The following TCHHL1 variants were observed in gnomAD, a reference collection of about 807,000 sequenced individuals.
TCHHL1 encodes trichohyalin-like protein 1.
In TCHHL1, 1 loss-of-function variant was observed where a neutral mutation model predicts 3.5. That is an observed-to-expected ratio of 0.29 (90% CI 0.10 to 1.36). TCHHL1 has a LOEUF of 1.36. TCHHL1 is among the 40% of genes most tolerant of loss of function. The pLI, the probability that TCHHL1 is intolerant of heterozygous loss-of-function variation, is 0.43. For synonymous variants in TCHHL1, 405 were observed against 375.3 expected (o/e 1.08, Z -0.92); for missense variants, 1,027 against 1,032.8 (o/e 0.99, Z 0.08).
chr1:152,088,902 A>G (rs1657783886), intron 1 of TCHHL1, 118 bp downstream of exon 1: 1 of 152,144 alleles, frequency 6.6e-6, no homozygotes, highest in South Asian at 2.1e-4. Context: ...CCAGTTTATT[A>G]TTATTAATAG....
chr1:152,086,285 C>T lies in TCHHL1; in HGVS notation c.1397G>A (p.Gly466Glu), dbSNP rs556122990. 4.3e-6 allele frequency: 7 copies of T among 1,614,198 alleles called. No individual in the cohort carries two copies. The South Asian group carries it at 5.5e-5, about 13-fold the overall frequency. ...HPELEGTAVS[G>E]EEAEHTKEGT... ...TTCTTTGGTGTGTTCTGCCTCTTCT[C>T]CTGAGACTGCTGTTCCTTCAAGTTC... Residue 466 changes from glycine to glutamate, a missense_variant, in exon 3 of 3, where the codon GGA (glycine) becomes GAA (glutamate). By Grantham distance (98) the Gly-to-Glu change is moderately conservative. Transcript: ENST00000368806.
At position 152,088,035 on chromosome 1, in the gene TCHHL1, T is replaced by C. The variant is rs369675005; in HGVS notation, c.109A>G (p.Ile37Val). 43 of 1,606,880 alleles carry C rather than the reference T, an allele frequency of 2.7e-5. No homozygotes were observed. The highest frequency in any genetic ancestry group is 3.4e-5 in the Non-Finnish European group (40 of 1,177,968). Residue 37 changes from isoleucine to valine, a missense_variant, in exon 2 of 3, where the codon ATC (isoleucine) becomes GTC (valine). Coordinates refer to ENST00000368806, the MANE Select transcript of TCHHL1 (RefSeq NM_001008536.2). Reference sequence around the variant, plus strand: ...AAAAAGTCCCCAAACTCGCCCTGGATGAGTTGTTTCAGCTCTCTGCCAGTC... The same window carrying C: ...AAAAAGTCCCCAAACTCGCCCTGGACGAGTTGTTTCAGCTCTCTGCCAGTC... The part of the protein sequence containing the change: ...TLTGRELKQL[I>V]QGEFGDFFQP...
Position 152,085,098 on chromosome 1 carries a change from C to T in TCHHL1, c.2584G>A (p.Gly862Arg). The T allele has an allele frequency of 1.2e-6, 2 of 1,614,012 alleles. No individual in the cohort carries two copies. Among genetic ancestry groups the T allele is most frequent in the South Asian group, 2.2e-5 (2 of 91,068 alleles). Residue 862 changes from glycine (G) to arginine (R), a missense_variant, in exon 3 of 3, where the codon GGA becomes AGA. By Grantham distance (125) the Gly-to-Arg change is moderately radical (BLOSUM62 -2). This residue lies in a region of TCHHL1 where 673 missense variants were observed against 658.6 expected (regional missense o/e 1.02). Coordinates refer to ENST00000368806, the MANE Select transcript of TCHHL1 (RefSeq NM_001008536.2). ...YSQASQPYTR[G>R]LPLDESPAGA... ...GCAGGACTCTCATCAAGTGGAAGTC[C>T]CCTGGTATATGGTTGTGATGCTTGG...
chr1:152,088,096 G>T lies in TCHHL1; in HGVS notation c.48C>A (p.His16Gln). The T allele has an allele frequency of 1.2e-6, 2 of 1,609,786 alleles. No individual in the cohort carries two copies. Among genetic ancestry groups the T allele is most frequent in the Non-Finnish European group, 1.7e-6 (2 of 1,178,494 alleles). The change falls in exon 2 of 3, where the codon CAC (histidine) becomes CAA (glutamine). Residue 16 changes from histidine (H) to glutamine (Q), a missense_variant. By Grantham distance (24) the His-to-Gln change is conservative. This residue lies in a region of TCHHL1 where 338 missense variants were observed against 335.9 expected (regional missense o/e 1.01). Transcript: ENST00000368806. ...CGTTACTGTCCTCACTGGCATATTT[G>T]TGGAATGTCTCAATTACACAGAGGA... is the stretch of plus-strand genomic sequence containing the variant. ...RNVLCVIETF[H>Q]KYASEDSNGA...
rs759703011 is a variant in TCHHL1 at position 152,085,052 on chromosome 1, G to A, written c.2630C>T (p.Ala877Val). 2 of 1,614,046 alleles carry A rather than the reference G, an allele frequency of 1.2e-6. No individual in the cohort carries two copies. The highest frequency in any genetic ancestry group is 1.1e-5 in the South Asian group (1 of 91,074). ...ESPAGAQETP[A>V]PQALEDKQGH... ...TTGCTTATCTTCCAAGGCCTGGGGAGCTGGTGTTTCCTGTGCACCAGCAGG... is the reference window on the plus strand; with the variant it reads ...TTGCTTATCTTCCAAGGCCTGGGGAACTGGTGTTTCCTGTGCACCAGCAGG... Residue 877 changes from alanine to valine, a missense_variant, in exon 3 of 3, where the codon GCT (alanine) becomes GTT (valine). This residue lies in a region of TCHHL1 where 673 missense variants were observed against 658.6 expected (regional missense o/e 1.02). Transcript: ENST00000368806.
At position 152,086,843 on chromosome 1, in the gene TCHHL1, G is replaced by T. The variant is rs145238234; in HGVS notation, c.839C>A (p.Thr280Lys). The part of the protein sequence containing the change: ...QRPCEDQEVR[T>K]EKEKHSNIQE... The stretch of plus-strand genomic sequence containing the variant: ...TATATTAGAGTGTTTTTCCTTTTCT[G>T]TTCTAACTTCCTGATCTTCACATGG... The change falls in exon 3 of 3, where the codon ACA (threonine) becomes AAA (lysine). Residue 280 changes from threonine to lysine, a missense_variant. Transcript: ENST00000368806. 1.9e-6 allele frequency: 3 copies of T among 1,614,062 alleles called. No homozygotes were observed. The highest frequency in any genetic ancestry group is 2.2e-5 in the East Asian group (1 of 44,878).
chr1:152,085,263 C>A lies in TCHHL1; in HGVS notation c.2419G>T (p.Glu807Ter), dbSNP rs764320827. 1 of 1,614,134 alleles carries A rather than the reference C, an allele frequency of 6.2e-7. No homozygotes were observed. Among genetic ancestry groups the A allele is most frequent in the East Asian group, 2.2e-5 (1 of 44,880 alleles). ...YSSPLYQYLQ[E>*]KILQQTNVTQ... ...ACATTTGTTTGCTGCAGTATCTTCT[C>A]CTGTAGGTACTGGTATAGTGGACTG... The change falls in exon 3 of 3, where the codon GAG becomes TAG. Residue 807 changes from glutamate (E) to a stop codon, truncating the protein, a stop_gained. Transcript: ENST00000368806. LOFTEE classifies it low-confidence loss of function (END_TRUNC).
chr1:152,086,557 T>C lies in TCHHL1; in HGVS notation c.1125A>G (p.Gln375=), dbSNP rs765659124. 7 of 1,614,112 alleles carry C rather than the reference T, an allele frequency of 4.3e-6. No homozygotes were observed. In the South Asian group the frequency reaches 6.6e-5, roughly 15 times the overall value. The change falls in exon 3 of 3, where the codon CAA becomes CAG. Residue 375 remains glutamine, a synonymous_variant. Transcript: ENST00000368806. The stretch of plus-strand genomic sequence containing the variant: ...TTTCTGAACCATTTCTGCTACCATA[T>C]TGGACTGGCAGGTCCTTTGTTTCAC... ...KECETKDLPV[Q]YGSRNGSETS...
Position 152,084,918 on chromosome 1 carries a change from T to C in TCHHL1, c.*49A>G, listed in dbSNP as rs747364068. 2 of 1,554,664 alleles carry C rather than the reference T, an allele frequency of 1.3e-6. No homozygotes were observed. Among genetic ancestry groups the C allele is most frequent in the Non-Finnish European group, 1.8e-6 (2 of 1,140,554 alleles). ...GCATCTGAATGTGTACACGTGAGTA[T>C]TGAGGGTGATTGGGAGAGAAATTGG... On this transcript the variant is annotated 3_prime_UTR_variant, in exon 3 of 3. Coordinates refer to ENST00000368806, the MANE Select transcript of TCHHL1 (RefSeq NM_001008536.2).
chr1:152,085,207 CTGAACTTGCTTT>C lies in TCHHL1; in HGVS notation c.2463_2474del (p.Lys822_Gln825del). ...GCTCTGGGCCTGATGCCTGGGCTAT[CTGAACTTGCTTT>C]TGATGCTCCTCTTGGGTTACATTTG... On this transcript the variant is annotated inframe_deletion, in exon 3 of 3. Coordinates refer to ENST00000368806, the MANE Select transcript of TCHHL1 (RefSeq NM_001008536.2). The C allele has an allele frequency of 6.2e-7, 1 of 1,614,184 alleles. No individual in the cohort carries two copies. Among genetic ancestry groups the C allele is most frequent in the Non-Finnish European group, 8.5e-7 (1 of 1,180,040 alleles).
At position 152,086,810 on chromosome 1, in the gene TCHHL1, G is replaced by A. The variant is rs971410725; in HGVS notation, c.872C>T (p.Pro291Leu). 2 of 1,613,966 alleles carry A rather than the reference G, an allele frequency of 1.2e-6. No homozygotes were observed. The highest frequency in any genetic ancestry group is 1.7e-6 in the Non-Finnish European group (2 of 1,180,024). Reference sequence around the variant, plus strand: ...GGGCTCATCTTCTCTTTGTAGGGGTGGTTCTTGTATATTAGAGTGTTTTTC... The same window carrying A: ...GGGCTCATCTTCTCTTTGTAGGGGTAGTTCTTGTATATTAGAGTGTTTTTC... ...EKEKHSNIQE[P>L]PLQREDEPSS... is the part of the protein sequence containing the mutation. The change falls in exon 3 of 3, where the codon CCA becomes CTA. Residue 291 changes from proline (P) to leucine (L), a missense_variant. Transcript: ENST00000368806.
intron 1 of TCHHL1, among the ~76,000 whole-genome samples, 175 bp downstream of exon 1, chr1:152,088,845 T>A (rs1359809535): frequency 6.6e-6 from 1 of 152,172 alleles, no homozygotes; most frequent in East Asian, 1.9e-4. Flanking sequence ...AAGAAAATGA[T>A]CAAAGAAGTT....
chr1:152,085,097 C>T lies in TCHHL1; in HGVS notation c.2585G>A (p.Gly862Glu), dbSNP rs560025086. ...YSQASQPYTRGLPLDESPAGA... is the reference protein window; with the variant it reads ...YSQASQPYTRELPLDESPAGA... Reference sequence around the variant, plus strand: ...AGCAGGACTCTCATCAAGTGGAAGTCCCCTGGTATATGGTTGTGATGCTTG... The same window carrying T: ...AGCAGGACTCTCATCAAGTGGAAGTTCCCTGGTATATGGTTGTGATGCTTG... The change falls in exon 3 of 3, where the codon GGA becomes GAA. Residue 862 changes from glycine to glutamate, a missense_variant. Gly to Glu is a moderately conservative substitution (Grantham distance 98). Around this residue, in one of 3 missense-constraint regions of TCHHL1, gnomAD observed 673 missense variants for 658.6 expected, o/e 1.02. Transcript: ENST00000368806. The T allele has an allele frequency of 1.9e-6, 3 of 1,614,084 alleles. No homozygotes were observed. Among genetic ancestry groups the T allele is most frequent in the African/African-American group, 2.7e-5 (2 of 75,008 alleles).
intron 1 of TCHHL1, among the ~76,000 whole-genome samples, chr1:152,088,772 T>A (rs897890583): frequency 1.3e-5 from 2 of 152,180 alleles, no homozygotes; most frequent in Non-Finnish European, 2.9e-5. Flanking sequence ...AGAGATCTGA[T>A]CCTGTGCCTT....
rs141490159 is a variant in TCHHL1, at chr1:152,085,461, G to A, written c.2221C>T (p.Pro741Ser). 5 of 1,614,148 alleles carry A rather than the reference G, an allele frequency of 3.1e-6. No individual in the cohort carries two copies. Among genetic ancestry groups the A allele is most frequent in the South Asian group, 1.1e-5 (1 of 91,088 alleles). ...SLKIQLETKE[P>S]VTSEEEDESP... is the part of the protein sequence containing the mutation. ...TCATCTTCCTCCTCTGATGTTACAGGTTCCTTTGTTTCAAGTTGTATCTTG... is the reference window on the plus strand; with the variant it reads ...TCATCTTCCTCCTCTGATGTTACAGATTCCTTTGTTTCAAGTTGTATCTTG... Residue 741 changes from proline (P) to serine (S), a missense_variant, in exon 3 of 3, where the codon CCT becomes TCT. This residue lies in a region of TCHHL1 where 673 missense variants were observed against 658.6 expected (regional missense o/e 1.02). Coordinates refer to ENST00000368806, the MANE Select transcript of TCHHL1 (RefSeq NM_001008536.2).
In TCHHL1 at chr1:152,085,234, G is replaced by T. The variant is rs767272011; in HGVS notation, c.2448C>A (p.Thr816=). 1 of 1,614,156 alleles carries T rather than the reference G, an allele frequency of 6.2e-7. No homozygotes were observed. The highest frequency in any genetic ancestry group is 1.1e-5 in the South Asian group (1 of 91,076). Residue 816 remains threonine, a synonymous_variant, in exon 3 of 3, where the codon ACC becomes ACA. Coordinates refer to ENST00000368806, the MANE Select transcript of TCHHL1 (RefSeq NM_001008536.2). ...GAACTTGCTTTTGATGCTCCTCTTGGGTTACATTTGTTTGCTGCAGTATCT... is the reference window on the plus strand; with the variant it reads ...GAACTTGCTTTTGATGCTCCTCTTGTGTTACATTTGTTTGCTGCAGTATCT... ...QEKILQQTNV[T]QEEHQKQVQI...
At chr1:152,087,861 C>T in intron 2 of TCHHL1, 145 bp downstream of exon 2, 3 of 1,096,102 alleles carry the variant, frequency 2.7e-6, no homozygotes, top group Non-Finnish European at 3.9e-6. Flanking sequence ...GGAACTGAGA[C>T]TGAAAATAGT....
In TCHHL1 at chr1:152,086,918, T is replaced by C. The variant is rs369478086; in HGVS notation, c.764A>G (p.Glu255Gly). 9.3e-6 allele frequency: 15 copies of C among 1,614,102 alleles called. No homozygotes were observed. The African/African-American group carries it at 1.6e-4, about 17-fold the overall frequency. Reference sequence around the variant, plus strand: ...TGAACTTTGGGTTGCCAAGTTTCCTTCCTGTTCTCCAAACTGGTCTCTTAT... The same window carrying C: ...TGAACTTTGGGTTGCCAAGTTTCCTCCCTGTTCTCCAAACTGGTCTCTTAT... ...SKIRDQFGEQ[E>G]GNLATQSSPP... is the part of the protein sequence containing the mutation. The change falls in exon 3 of 3, where the codon GAA (glutamate) becomes GGA (glycine). Residue 255 changes from glutamate to glycine, a missense_variant. Physicochemically the swap from Glu to Gly is moderately conservative, Grantham distance 98 (BLOSUM62 -2). Coordinates refer to ENST00000368806, the MANE Select transcript of TCHHL1 (RefSeq NM_001008536.2).
Position 152,086,844 on chromosome 1 carries a change from T to G in TCHHL1, c.838A>C (p.Thr280Pro). The change falls in exon 3 of 3, where the codon ACA becomes CCA. Residue 280 changes from threonine to proline, a missense_variant. Transcript: ENST00000368806. ...QRPCEDQEVR[T>P]EKEKHSNIQE... ...ATATTAGAGTGTTTTTCCTTTTCTG[T>G]TCTAACTTCCTGATCTTCACATGGT... The G allele has an allele frequency of 6.2e-7, 1 of 1,614,168 alleles. No homozygotes were observed.
Sources: allele counts gnomAD v4.1 joint callset (sites outside exome capture counted in the v4.1 genomes callset), GRCh38; gene constraint gnomAD v4.1.1; regional missense constraint gnomAD v4.1.1; transcripts MANE v1.5; gene names NCBI Gene and HGNC (gene_info 2026-07-23, HGNC 2026-07-21).